Variants in SLC38A11 observed in about 807,000 individuals in gnomAD.
SLC38A11 encodes the protein putative sodium-coupled neutral amino acid transporter 11.
Under a neutral mutation model 49.4 loss-of-function variants are expected in SLC38A11, and 51 were observed. The observed-to-expected ratio is 1.03, with a 90% confidence interval of 0.83 to 1.30. The LOEUF (loss-of-function observed/expected upper bound fraction) is 1.30, where lower values mean the gene tolerates loss of function less well. SLC38A11 is among the 50% of genes most tolerant of loss of function. The probability of loss-of-function intolerance (pLI) is 0.00; values close to 1 mark genes in which losing one functional copy is unlikely to be tolerated. For synonymous variants in SLC38A11, 203 were observed against 192.9 expected (o/e 1.05, Z -0.43); for missense variants, 574 against 556.2 (o/e 1.03, Z -0.32).
intron 11 of SLC38A11, among the ~76,000 whole-genome samples, chr2:164,904,522 G>T (rs531395447): frequency 4.0e-5 from 6 of 151,836 alleles, no homozygotes; most frequent in Non-Finnish European, 7.4e-5. Flanking sequence ...CCCTAACCTT[G>T]CATGATCTGA....
intron 7 of SLC38A11, among the ~76,000 whole-genome samples, chr2:164,924,482 A>C (rs1686429028): frequency 6.6e-6 from 1 of 152,174 alleles, no homozygotes; most frequent in South Asian, 2.1e-4. Context: ...ACAAACCTGC[A>C]CCTGTATCCC....
chr2:164,904,228 A>G (rs1007970535), intron 11 of SLC38A11, among the ~76,000 whole-genome samples: 2 of 152,134 alleles, frequency 1.3e-5, no homozygotes, highest in African/African-American at 4.8e-5. Context: ...GTAGAAACCC[A>G]TAGGGCCCAA....
rs200284770 is a variant in SLC38A11 at position 164,947,117 on chromosome 2, C to CTTTTT, written c.230-1395_230-1391dup. On this transcript the variant is annotated intron_variant, in intron 3 of 11. Transcript: ENST00000685975. ...CCTGGATTCTTGGACTTTTTTATCT[C>CTTTTT]TTTTTTTTTTTTTTTTTTTTTTTTT... 5.8e-4 allele frequency among the ~76,000 whole-genome samples: 42 copies of CTTTTT among 72,888 alleles called. 2 individuals carry two copies. Among genetic ancestry groups the CTTTTT allele is most frequent in the African/African-American group, 7.7e-4 (10 of 12,990 alleles). The allele number at this position is 72,888 out of a possible 152,430, so 47.8% of individuals were successfully genotyped here.
At position 164,898,624 on chromosome 2, in the gene SLC38A11, A is replaced by G; in HGVS notation, c.1202T>C (p.Met401Thr). The G allele has an allele frequency of 2.5e-6, 4 of 1,613,658 alleles. No homozygotes were observed. Among genetic ancestry groups the G allele is most frequent in the Non-Finnish European group, 3.4e-6 (4 of 1,179,730 alleles). The change falls in exon 12 of 12, where the codon ATG becomes ACG. Residue 401 changes from methionine to threonine, a missense_variant. Physicochemically the swap from Met to Thr is moderately conservative, Grantham distance 81. Coordinates refer to ENST00000685975, the MANE Select transcript of SLC38A11 (RefSeq NM_001351537.2). ...THSDKIMSCV[M>T]LPIGAVVMVF... ...CATCACCACAGCACCAATGGGAAGC[A>G]TGACACAAGACATAATCTTATCGGA... is the stretch of plus-strand genomic sequence containing the variant.
At chr2:164,904,261 C>G (rs555309121) in intron 11 of SLC38A11, among the ~76,000 whole-genome samples, 1 of 152,264 alleles carries the variant, frequency 6.6e-6, no homozygotes, top group East Asian at 1.9e-4. Context: ...CCTCTTTTCT[C>G]CAATAGCAAC....
intron 2 of SLC38A11, 26 bp from the exon 3 acceptor site, chr2:164,952,807 C>G: frequency 6.4e-7 from 1 of 1,555,512 alleles, no homozygotes; most frequent in Non-Finnish European, 8.7e-7. Context: ...ATGCCCCACC[C>G]TTCACATTAA....
In SLC38A11 at chr2:164,929,016, A is replaced by AT. The variant is rs1228236836; in HGVS notation, c.617+8333dup. ...CAATATATCCCATGATAAAGATGGT[A>AT]TTTTTTTAGAGCTCTTACTCTCTCA... On this transcript the variant is annotated intron_variant, in intron 7 of 11. Coordinates refer to ENST00000685975, the MANE Select transcript of SLC38A11 (RefSeq NM_001351537.2). 2.6e-5 allele frequency among the ~76,000 whole-genome samples: 4 copies of AT among 152,146 alleles called. No individual in the cohort carries two copies. In the East Asian group the frequency reaches 7.7e-4, roughly 29 times the overall value.
In SLC38A11 at chr2:164,898,101, A is replaced by T. The variant is rs72884433; in HGVS notation, c.*336T>A. On this transcript the variant is annotated 3_prime_UTR_variant, in exon 12 of 12. Coordinates refer to ENST00000685975, the MANE Select transcript of SLC38A11 (RefSeq NM_001351537.2). ...CAAAAGACATCTACACAAAATTCCAACCCACAATCACCTACTTATTTTGGA... is the reference window on the plus strand; with the variant it reads ...CAAAAGACATCTACACAAAATTCCATCCCACAATCACCTACTTATTTTGGA... 0.26 allele frequency: 39,053 copies of T among 149,678 alleles called. 6,083 individuals are homozygous for T. The highest frequency in any genetic ancestry group is 0.47 in the South Asian group (2,094 of 4,418). The allele number at this position is 149,678 out of a possible 1,614,324, so 9.3% of individuals were successfully genotyped here.
chr2:164,911,536 C>T, intron 10 of SLC38A11, 100 bp downstream of exon 10: 1 of 495,664 alleles, frequency 2.0e-6, no homozygotes, highest in East Asian at 3.4e-5. Context: ...ATTTGTCATG[C>T]CCTTGGGAAT....
chr2:164,935,519 A>G (rs185521010), intron 7 of SLC38A11, among the ~76,000 whole-genome samples: 86 of 150,580 alleles, frequency 5.7e-4, no homozygotes, highest in Non-Finnish European at 1.1e-3. Context: ...AAAAAAAAAA[A>G]AAAGAAAGAA....
In SLC38A11 at chr2:164,945,546, T is replaced by C. The variant is rs200607866; in HGVS notation, c.364+47A>G. The C allele has an allele frequency of 1.3e-3, 1,945 of 1,534,966 alleles. 8 individuals are homozygous for C. Among genetic ancestry groups the C allele is most frequent in the South Asian group, 2.8e-3 (224 of 80,460 alleles). On this transcript the variant is annotated intron_variant, in intron 4 of 11. Transcript: ENST00000685975. ...AAAGTATTTTATTCAGAAATGACCA[T>C]ATGCTTATGCACATAATTGCAATAT... is the stretch of plus-strand genomic sequence containing the variant.
At chr2:164,938,300 T>C (rs1687515011) in intron 6 of SLC38A11, among the ~76,000 whole-genome samples, 1 of 152,162 alleles carries the variant, frequency 6.6e-6, no homozygotes, top group Non-Finnish European at 1.5e-5. Context: ...AGCTGGAATG[T>C]GGCAGAGAGG....
chr2:164,952,984 G>T (rs1688624979), intron 2 of SLC38A11: 2 of 494,082 alleles, frequency 4.0e-6, no homozygotes, highest in Non-Finnish European at 7.1e-6. Flanking sequence ...TTAGCTTAGG[G>T]ACAAGTTAAG....
intron 3 of SLC38A11, chr2:164,950,141 T>C (rs2105518719): frequency 6.6e-6 from 1 of 152,326 alleles, no homozygotes; most frequent in Non-Finnish European, 1.5e-5. Flanking sequence ...GAGGTAGGTG[T>C]TCATGTTTTA....
chr2:164,926,566 ATGTT>A lies in SLC38A11; in HGVS notation c.618-10597_618-10594del, dbSNP rs10605632. On this transcript the variant is annotated intron_variant, in intron 7 of 11. Transcript: ENST00000685975. Reference sequence around the variant, plus strand: ...CTGCTATAAAGACACATGCACACGTATGTTTACTGCAACACTATTCACAATAGCA... The same window carrying A: ...CTGCTATAAAGACACATGCACACGTATACTGCAACACTATTCACAATAGCA... 8.7e-3 allele frequency among the ~76,000 whole-genome samples: 1,327 copies of A among 152,192 alleles called. 16 individuals carry two copies. Among genetic ancestry groups the A allele is most frequent in the African/African-American group, 0.03 (1,255 of 41,530 alleles).
intron 11 of SLC38A11, among the ~76,000 whole-genome samples, chr2:164,899,489 T>G (rs970185011): frequency 3.9e-5 from 6 of 152,100 alleles, no homozygotes; most frequent in African/African-American, 1.4e-4. Flanking sequence ...ACTTTCCCCT[T>G]GAATAGGACT....
At chr2:164,939,706 A>T (rs1687620326) in intron 5 of SLC38A11, 150 bp from the exon 6 acceptor site, 1 of 444,798 alleles carries the variant, frequency 2.2e-6, no homozygotes, top group South Asian at 6.0e-5. Flanking sequence ...CCATAAAAAC[A>T]TATAAACATA....
Position 164,954,742 on chromosome 2 carries a change from C to T in SLC38A11, c.43G>A (p.Asp15Asn), listed in dbSNP as rs745543046. ...ACAAGGGTTTCTCTGTCATCTAAATCTCTCTAATAGATAAAATAGCAATTA... is the reference window on the plus strand; with the variant it reads ...ACAAGGGTTTCTCTGTCATCTAAATTTCTCTAATAGATAAAATAGCAATTA... ...RQEPVIPPQR[D>N]LDDRETLVSE... The change falls in exon 2 of 12, where the codon GAT becomes AAT. Residue 15 changes from aspartate (D) to asparagine (N), a missense_variant. Coordinates refer to ENST00000685975, the MANE Select transcript of SLC38A11 (RefSeq NM_001351537.2). 3.0e-5 allele frequency: 45 copies of T among 1,481,968 alleles called. No homozygotes were observed. The African/African-American group carries it at 3.7e-4, about 12-fold the overall frequency. The allele number at this position is 1,481,968 out of a possible 1,614,324, so 91.8% of individuals were successfully genotyped here. A position where few individuals can be genotyped will look rare whatever the true frequency, so the allele number is the denominator to read the frequency against.
intron 6 of SLC38A11, 197 bp from the exon 7 acceptor site, chr2:164,937,626 C>T: frequency 6.4e-6 from 3 of 470,410 alleles, no homozygotes; most frequent in South Asian, 2.7e-5. Flanking sequence ...TGGTTCCCCG[C>T]ACCCACCCCA....
Sources: allele counts gnomAD v4.1 joint callset (sites outside exome capture counted in the v4.1 genomes callset), GRCh38; gene constraint gnomAD v4.1.1; transcripts MANE v1.5; gene names NCBI Gene and HGNC (gene_info 2026-07-23, HGNC 2026-07-21).